Variants in DGKG observed in about 807,000 individuals in gnomAD.
DGKG encodes DAG kinase gamma.
In DGKG, 78 loss-of-function variants were observed where a neutral mutation model predicts 105.3. The ratio of observed to expected loss-of-function variants is 0.74; its 90% CI spans 0.62 to 0.89. The LOEUF (loss-of-function observed/expected upper bound fraction) is 0.89, where lower values mean the gene tolerates loss of function less well. Ranked by LOEUF, DGKG falls within the 40% of genes least tolerant of loss-of-function variation. DGKG has a pLI of 0.00. For synonymous variants in DGKG, 346 were observed against 367.1 expected (o/e 0.94, Z 0.66); for missense variants, 958 against 1,020.1 (o/e 0.94, Z 0.83).
At chr3:186,332,407 C>T (rs759968451) in intron 1 of DGKG, among the ~76,000 whole-genome samples, 1 of 152,234 alleles carries the variant, frequency 6.6e-6, no homozygotes, top group African/African-American at 2.4e-5. Context: ...TTGTGAATAG[C>T]AATGGAAAAG....
intron 16 of DGKG, among the ~76,000 whole-genome samples, chr3:186,258,906 G>A (rs1384742773): frequency 6.6e-6 from 1 of 152,034 alleles, no homozygotes; most frequent in Non-Finnish European, 1.5e-5. Context: ...GGGGTTCCTG[G>A]CACAAAAAAG....
chr3:186,180,355 C>A (rs527404379), intron 22 of DGKG, among the ~76,000 whole-genome samples: 1 of 152,050 alleles, frequency 6.6e-6, no homozygotes, highest in Non-Finnish European at 1.5e-5. Context: ...AGCAAAACAG[C>A]GTCTCCGTAG....
At chr3:186,306,830 G>C (rs1724262583) in intron 3 of DGKG, 71 bp downstream of exon 3, 2 of 1,104,772 alleles carry the variant, frequency 1.8e-6, no homozygotes, top group Admixed American at 3.6e-5. Flanking sequence ...GAGTCTCCAA[G>C]AGGGAAACAA....
chr3:186,278,539 C>T (rs188662822), intron 9 of DGKG, among the ~76,000 whole-genome samples: 486 of 152,216 alleles, frequency 3.2e-3, no homozygotes, highest in African/African-American at 9.1e-3. Context: ...AGGGGATCAA[C>T]CAGGGACCAC....
At chr3:186,192,983 C>G (rs1717978615) in intron 21 of DGKG, among the ~76,000 whole-genome samples, 1 of 152,200 alleles carries the variant, frequency 6.6e-6, no homozygotes, top group Non-Finnish European at 1.5e-5. Flanking sequence ...CCATAGCCAG[C>G]TAAGTGTGTT....
At position 186,259,117 on chromosome 3, in the gene DGKG, C is replaced by T. The variant is rs549772011; in HGVS notation, c.1425-1178G>A. ...TCTGCTCTCCGACGGGACTCTCCGA[C>T]GGGAAGTGAATTCTGAACAGACGCT... On this transcript the variant is annotated intron_variant, in intron 16 of 24. Coordinates refer to ENST00000265022, the MANE Select transcript of DGKG (RefSeq NM_001346.3). 5.3e-5 allele frequency among the ~76,000 whole-genome samples: 8 copies of T among 152,218 alleles called. No individual in the cohort carries two copies. In the East Asian group the frequency reaches 5.8e-4, roughly 11 times the overall value.
intron 2 of DGKG, among the ~76,000 whole-genome samples, chr3:186,319,693 G>T (rs886855367): frequency 6.6e-6 from 1 of 152,044 alleles, no homozygotes. Context: ...AGTCCAGCAG[G>T]TTCCTCTCAC....
chr3:186,311,925 G>A (rs1724565146), intron 2 of DGKG, among the ~76,000 whole-genome samples: 1 of 143,494 alleles, frequency 7.0e-6, no homozygotes, highest in Non-Finnish European at 1.5e-5. Context: ...GACCATCCTG[G>A]CTAACAAGGT....
chr3:186,344,442 T>G (rs777848718), intron 1 of DGKG, among the ~76,000 whole-genome samples: 19 of 152,204 alleles, frequency 1.2e-4, no homozygotes, highest in Admixed American at 2.0e-4. Flanking sequence ...GGAACATGGA[T>G]GCAGGAACAT....
chr3:186,228,285 A>T (rs1284748555), intron 20 of DGKG, among the ~76,000 whole-genome samples: 5 of 152,004 alleles, frequency 3.3e-5, no homozygotes, highest in African/African-American at 1.2e-4. Context: ...CTCTCTCCTG[A>T]TGCCCCTCTT....
At position 186,210,857 on chromosome 3, in the gene DGKG, G is replaced by T. The variant is rs1206489771; in HGVS notation, c.1917+938C>A. 1.3e-5 allele frequency among the ~76,000 whole-genome samples: 2 copies of T among 152,228 alleles called. No homozygotes were observed. The highest frequency in any genetic ancestry group is 1.3e-4 in the Admixed American group (2 of 15,282). On this transcript the variant is annotated intron_variant, in intron 21 of 24. Coordinates refer to ENST00000265022, the MANE Select transcript of DGKG (RefSeq NM_001346.3). The surrounding 1 kb of genome is among the most constrained non-coding windows in gnomAD (Gnocchi z 5.2). ...GGGCCTAAATCCCACGGGAAGGTAGGCCTGGTAGCAAGAACTCTGGGCAAG... is the reference window on the plus strand; with the variant it reads ...GGGCCTAAATCCCACGGGAAGGTAGTCCTGGTAGCAAGAACTCTGGGCAAG...
chr3:186,317,425 TC>T (rs577480734), intron 2 of DGKG, among the ~76,000 whole-genome samples: 203 of 152,208 alleles, frequency 1.3e-3, no homozygotes, highest in African/African-American at 4.7e-3. Context: ...TCACACACCC[TC>T]CTGGGGCCTA....
chr3:186,243,913 T>TTTTTTGTTTGG (rs10664600), intron 19 of DGKG, among the ~76,000 whole-genome samples: 1 of 146,536 alleles, frequency 6.8e-6, no homozygotes, highest in East Asian at 2.0e-4. Context: ...TTTTTTTTTT[T>TTTTTTGTTTGG]GAGATGGAGT....
At chr3:186,340,473 A>G (rs896345923) in intron 1 of DGKG, among the ~76,000 whole-genome samples, 16 of 152,178 alleles carry the variant, frequency 1.1e-4, no homozygotes, top group Non-Finnish European at 1.8e-4. Flanking sequence ...AAAAATAGCC[A>G]ACAGAAACCA....
rs116513224 is a variant in DGKG, at chr3:186,211,715, G to A, written c.1917+80C>T. ...TCTGGGTCACCTCTTAAGGTCCCAAGAGGATACATCCTGTGCATGTGTGAC... is the reference window on the plus strand; with the variant it reads ...TCTGGGTCACCTCTTAAGGTCCCAAAAGGATACATCCTGTGCATGTGTGAC... On this transcript the variant is annotated intron_variant, in intron 21 of 24. Transcript: ENST00000265022. The A allele has an allele frequency of 2.6e-4, 281 of 1,071,978 alleles. No homozygotes were observed. In the African/African-American group the frequency reaches 4.0e-3, roughly 15 times the overall value. 66.4% of individuals were successfully genotyped at this position (1,071,978 alleles called of 1,614,324 possible).
intron 1 of DGKG, among the ~76,000 whole-genome samples, chr3:186,330,302 G>A (rs568582116): frequency 2.8e-4 from 43 of 152,290 alleles, no homozygotes; most frequent in African/African-American, 1.0e-3. Context: ...TGCTTAATCT[G>A]ATAGTATTTT....
At position 186,302,453 on chromosome 3, in the gene DGKG, A is replaced by G. The variant is rs1723965221; in HGVS notation, c.145-4224T>C. Among the ~76,000 whole-genome samples the G allele has an allele frequency of 1.5e-5, 2 of 136,746 alleles. 1 individual carries two copies. 89.7% of individuals were successfully genotyped at this position (136,746 alleles called of 152,430 possible). On this transcript the variant is annotated intron_variant, in intron 3 of 24. Coordinates refer to ENST00000265022, the MANE Select transcript of DGKG (RefSeq NM_001346.3). The stretch of plus-strand genomic sequence containing the variant: ...AAGACACAGATTGGAAAAAGGGGGG[A>G]AATGTGCTATATATATATATATATA...
intron 24 of DGKG, chr3:186,158,968 A>G (rs1270429571): frequency 3.9e-5 from 14 of 354,510 alleles, no homozygotes; most frequent in Non-Finnish European, 5.1e-5. Flanking sequence ...ATTTCTTTAT[A>G]CCTGATAAAG....
chr3:186,340,346 A>G (rs1327044871), intron 1 of DGKG, among the ~76,000 whole-genome samples: 1 of 152,182 alleles, frequency 6.6e-6, no homozygotes, highest in Non-Finnish European at 1.5e-5. Context: ...GGCCAGACTA[A>G]TAACACTGGA....
Sources: gnomAD v4.1 joint callset for allele counts (sites outside exome capture counted in the v4.1 genomes callset) on GRCh38, gnomAD v4.1.1 for gene constraint, Gnocchi (gnomAD v3.1) non-coding constraint, MANE v1.5 for transcripts, NCBI Gene and HGNC (gene_info 2026-07-23, HGNC 2026-07-21) for gene names.